The following CD96 variants were observed in gnomAD, a reference collection of about 807,000 sequenced individuals.
CD96 encodes T-cell surface protein tactile.
A neutral mutation model predicts 71.3 loss-of-function variants in CD96; 70 were observed. That is an observed-to-expected ratio of 0.98 (90% CI 0.81 to 1.20). CD96 has a LOEUF of 1.20. CD96 is among the 50% of genes most tolerant of loss of function. The pLI is 0.00. For missense variants in CD96, 742 were observed against 677.5 expected (o/e 1.10, Z -1.06); for synonymous variants, 248 against 233.0 (o/e 1.06, Z -0.59).
Position 111,606,997 on chromosome 3 carries a change from T to C in CD96, c.1180+205T>C. ...TTAAAATGTATGATCTAATGGTTTT[T>C]AGTATGTTCACAGACTTGTACAACC... On this transcript the variant is annotated intron_variant, in intron 8 of 13. Coordinates refer to ENST00000352690, the MANE Select transcript of CD96 (RefSeq NM_005816.5). 3 of 624,856 alleles carry C rather than the reference T, an allele frequency of 4.8e-6. No homozygotes were observed. In the South Asian group the frequency reaches 5.4e-5, roughly 11 times the overall value. The allele number at this position is 624,856 out of a possible 1,614,324, so 38.7% of individuals were successfully genotyped here.
chr3:111,561,468 T>A (rs75492922), intron 2 of CD96, among the ~76,000 whole-genome samples: 34 of 126,322 alleles, frequency 2.7e-4, no homozygotes, highest in African/African-American at 6.7e-4. Context: ...ATACCCTGCC[T>A]TGTGAGGTGT....
Position 111,567,570 on chromosome 3 carries a change from A to T in CD96, c.466A>T (p.Asn156Tyr), listed in dbSNP as rs1435798767. 6.2e-7 allele frequency: 1 copy of T among 1,606,042 alleles called. No individual in the cohort carries two copies. Among genetic ancestry groups the T allele is most frequent in the South Asian group, 1.1e-5 (1 of 90,914 alleles). The change falls in exon 3 of 14, where the codon AAT becomes TAT. Residue 156 changes from asparagine to tyrosine, a missense_variant. Transcript: ENST00000352690. Reference protein sequence around the residue: ...NSNHTIEIEINQTLEIPCFQN... With the variant: ...NSNHTIEIEIYQTLEIPCFQN... ...CAACCATACGATAGAAATAGAGATA[A>T]ATCAGACTCTGGAAATACCATGCTT...
intron 3 of CD96, among the ~76,000 whole-genome samples, chr3:111,567,922 G>A (rs1036296616): frequency 7.2e-5 from 11 of 152,180 alleles, no homozygotes; most frequent in Non-Finnish European, 1.6e-4. Flanking sequence ...GTTACAGAAA[G>A]AACAAAGTGT....
rs1559748975 is a variant in CD96, at chr3:111,600,918, A to C, written c.1087+4A>C. 3 of 1,580,798 alleles carry C rather than the reference A, an allele frequency of 1.9e-6. No individual in the cohort carries two copies. The highest frequency in any genetic ancestry group is 2.6e-6 in the Non-Finnish European group (3 of 1,150,044). ...GAAAAGATCACTTTTCTCTTAGGTG[A>C]GTTGTCTATTTAATAAGATCAACAA... is the stretch of plus-strand genomic sequence containing the variant. On this transcript the variant is annotated splice_donor_region_variant and intron_variant, in intron 7 of 13. Coordinates refer to ENST00000352690, the MANE Select transcript of CD96 (RefSeq NM_005816.5).
intron 13 of CD96, 37 bp downstream of exon 13, chr3:111,647,703 T>A (rs1334933350): frequency 1.4e-6 from 2 of 1,468,062 alleles, no homozygotes. Flanking sequence ...AACAGATTAA[T>A]TTTTCATTAT....
At chr3:111,598,302 A>G (rs1937349273) in intron 6 of CD96, 92 bp downstream of exon 6, 1 of 747,964 alleles carries the variant, frequency 1.3e-6, no homozygotes, top group Non-Finnish European at 2.4e-6. Flanking sequence ...TGATCTTGGC[A>G]TTTAAGAATG....
chr3:111,642,401 T>G (rs1939633863), intron 12 of CD96, among the ~76,000 whole-genome samples: 1 of 152,154 alleles, frequency 6.6e-6, no homozygotes, highest in Non-Finnish European at 1.5e-5. Context: ...CTAGAAGAGA[T>G]GGATAAATTT....
intron 14 of CD96, among the ~76,000 whole-genome samples, chr3:111,663,086 T>C (rs1186708086): frequency 6.6e-6 from 1 of 152,052 alleles, no homozygotes; most frequent in Non-Finnish European, 1.5e-5. Context: ...CTTACAAACA[T>C]GGTGGAAGGG....
intron 5 of CD96, among the ~76,000 whole-genome samples, chr3:111,597,841 T>C (rs1350656790): frequency 6.6e-6 from 1 of 152,190 alleles, no homozygotes; most frequent in African/African-American, 2.4e-5. Flanking sequence ...GATTTCTCCT[T>C]TACAGAACCC....
intron 9 of CD96, 101 bp from the exon 10 acceptor site, chr3:111,624,231 AT>A: frequency 1.2e-6 from 1 of 823,428 alleles, no homozygotes; most frequent in Non-Finnish European, 2.1e-6. Context: ...TCAATTTCAG[AT>A]TTCCCCAAAG....
At chr3:111,554,273 A>G (rs901840115) in intron 2 of CD96, among the ~76,000 whole-genome samples, 1 of 152,026 alleles carries the variant, frequency 6.6e-6, no homozygotes, top group Non-Finnish European at 1.5e-5. Context: ...ATGATGTCCA[A>G]TAAGTTTTTA....
chr3:111,654,496 A>G (rs1409745294), downstream of CD96, among the ~76,000 whole-genome samples: 4 of 152,214 alleles, frequency 2.6e-5, no homozygotes, highest in Non-Finnish European at 5.9e-5. Context: ...TGGGAACAAT[A>G]GAATCTAAAT....
At chr3:111,623,938 T>C in intron 9 of CD96, 116 bp downstream of exon 9, 1 of 764,476 alleles carries the variant, frequency 1.3e-6, no homozygotes, top group Admixed American at 1.9e-5. Flanking sequence ...CATTTGATGT[T>C]TGTTAATATC....
Position 111,598,149 on chromosome 3 carries a change from A to G in CD96, c.837A>G (p.Val279=). 6.7e-7 allele frequency: 1 copy of G among 1,499,274 alleles called. No homozygotes were observed. The highest frequency in any genetic ancestry group is 9.3e-7 in the Non-Finnish European group (1 of 1,076,012). The allele number at this position is 1,499,274 out of a possible 1,614,324, so 92.9% of individuals were successfully genotyped here. ...ERRFTCLLKN[V]FPKANITWFI... ...GATTTACCTGCTTACTAAAGAATGT[A>G]TTTCCCAAAGCAAATATCACATGGT... Residue 279 remains valine, a synonymous_variant, in exon 6 of 14, where the codon GTA becomes GTG. Transcript: ENST00000352690.
chr3:111,590,116 T>G (rs1300222843), intron 5 of CD96, among the ~76,000 whole-genome samples: 1 of 152,216 alleles, frequency 6.6e-6, no homozygotes, highest in Non-Finnish European at 1.5e-5. Flanking sequence ...GGAATAATTT[T>G]TTTTAACCCA....
intron 10 of CD96, chr3:111,634,200 G>A (rs1939213721): frequency 6.6e-6 from 1 of 152,188 alleles, no homozygotes; most frequent in East Asian, 1.9e-4. Context: ...TGCAACTAAA[G>A]GAAAAATATT....
chr3:111,565,439 G>A (rs776410343), intron 2 of CD96, among the ~76,000 whole-genome samples: 7 of 152,196 alleles, frequency 4.6e-5, no homozygotes, highest in Admixed American at 6.5e-5. Flanking sequence ...TTACAAAAAT[G>A]TAATACTTAT....
intron 9 of CD96, 70 bp from the exon 10 acceptor site, chr3:111,624,263 G>A: frequency 1.0e-6 from 1 of 995,374 alleles, no homozygotes; most frequent in Non-Finnish European, 1.6e-6. Flanking sequence ...TAAAAATTCT[G>A]TGCATCAAAG....
intron 10 of CD96, among the ~76,000 whole-genome samples, chr3:111,636,212 A>C (rs1939320518): frequency 6.6e-6 from 1 of 152,212 alleles, no homozygotes; most frequent in South Asian, 2.1e-4. Context: ...CAAGCCCTAA[A>C]GAATGGACTC....
Sources: gnomAD v4.1 joint callset for allele counts (sites outside exome capture counted in the v4.1 genomes callset) on GRCh38, gnomAD v4.1.1 for gene constraint, MANE v1.5 for transcripts, NCBI Gene and HGNC (gene_info 2026-07-23, HGNC 2026-07-21) for gene names.